The following C13orf46 variants were observed in gnomAD, a reference collection of about 807,000 sequenced individuals.
C13orf46 encodes uncharacterized protein C13orf46.
chr13:113,931,946 C>G, the C13orf46 span, among the ~76,000 whole-genome samples: 3 of 152,152 alleles, frequency 2.0e-5, no homozygotes, highest in Non-Finnish European at 2.9e-5. Flanking sequence ...GGCCCCTGCC[C>G]CGTCCCTCCA....
chr13:113,966,742 T>C (rs2052654308), intron 5 of C13orf46, among the ~76,000 whole-genome samples: 1 of 151,886 alleles, frequency 6.6e-6, no homozygotes, highest in African/African-American at 2.4e-5. Flanking sequence ...GTGATGATGA[T>C]GATGGTTGTG....
At chr13:113,933,943 TG>T in the C13orf46 span, among the ~76,000 whole-genome samples, 1 of 152,178 alleles carries the variant, frequency 6.6e-6, no homozygotes, top group Non-Finnish European at 1.5e-5. Context: ...TGTTTTATTC[TG>T]GGTACGACTC....
chr13:113,943,757 C>T, the C13orf46 span, among the ~76,000 whole-genome samples: 2 of 152,298 alleles, frequency 1.3e-5, no homozygotes, highest in Middle Eastern at 3.4e-3. Flanking sequence ...TGACGAGTGT[C>T]AGGCATGGCC....
At chr13:113,969,535 A>G (rs2052682386) in intron 2 of C13orf46, among the ~76,000 whole-genome samples, 1 of 152,244 alleles carries the variant, frequency 6.6e-6, no homozygotes, top group African/African-American at 2.4e-5. Flanking sequence ...CTTGGTCTCC[A>G]CTCAACGGGA....
At chr13:113,952,502 G>C (rs2052493424), downstream of C13orf46, among the ~76,000 whole-genome samples, 1 of 152,220 alleles carries the variant, frequency 6.6e-6, no homozygotes, top group South Asian at 2.1e-4. Flanking sequence ...CCCAGCCTGG[G>C]AGGGCTCTGA....
chr13:113,952,267 C>T (rs1300049900), downstream of C13orf46, among the ~76,000 whole-genome samples: 3 of 145,908 alleles, frequency 2.1e-5, no homozygotes, highest in East Asian at 5.8e-4. Context: ...GTCTGTGCTG[C>T]TGTGTGGCCG....
intron 6 of C13orf46, among the ~76,000 whole-genome samples, chr13:113,964,368 G>A (rs1334170597): frequency 4.6e-5 from 7 of 151,992 alleles, no homozygotes; most frequent in South Asian, 2.1e-4. Context: ...CTCGGGCCTC[G>A]GGGAGTCTTG....
At chr13:113,952,316 T>TC (rs1451032639), downstream of C13orf46, among the ~76,000 whole-genome samples, 2 of 139,878 alleles carry the variant, frequency 1.4e-5, no homozygotes, top group African/African-American at 2.7e-5. Flanking sequence ...TGGCCACCCC[T>TC]CCGCCTGCCC....
At chr13:113,948,038 A>G in the C13orf46 span, among the ~76,000 whole-genome samples, 3 of 152,228 alleles carry the variant, frequency 2.0e-5, no homozygotes, top group Admixed American at 2.0e-4. Context: ...GACCCATGAA[A>G]AGCCCACGTC....
the C13orf46 span, among the ~76,000 whole-genome samples, chr13:113,946,294 C>G: frequency 6.6e-6 from 1 of 152,156 alleles, no homozygotes; most frequent in Non-Finnish European, 1.5e-5. Flanking sequence ...GCACACGCAC[C>G]CCTCTAACTC....
At chr13:113,930,353 GA>G in the C13orf46 span, among the ~76,000 whole-genome samples, 1 of 85,440 alleles carries the variant, frequency 1.2e-5, no homozygotes, top group South Asian at 2.7e-4. Flanking sequence ...GAGGAGCACC[GA>G]GGTGGGGGCG....
chr13:113,962,973 T>C (rs2052599108), intron 6 of C13orf46, among the ~76,000 whole-genome samples: 1 of 152,210 alleles, frequency 6.6e-6, no homozygotes, highest in South Asian at 2.1e-4. Flanking sequence ...TGGGGCAGAG[T>C]GCAATGTTCT....
downstream of C13orf46, among the ~76,000 whole-genome samples, chr13:113,950,828 C>T (rs888009544): frequency 3.3e-5 from 5 of 152,242 alleles, no homozygotes; most frequent in Non-Finnish European, 7.3e-5. Context: ...CCTGCCGTCT[C>T]TGGTGAACCT....
chr13:113,943,625 C>G, the C13orf46 span, among the ~76,000 whole-genome samples: 2 of 152,192 alleles, frequency 1.3e-5, no homozygotes, highest in Non-Finnish European at 2.9e-5. Context: ...CCCCCGTTCC[C>G]GTCATGGCTG....
the C13orf46 span, among the ~76,000 whole-genome samples, chr13:113,945,669 A>G: frequency 9.9e-3 from 1,310 of 131,878 alleles, 30 homozygotes; most frequent in African/African-American, 0.034. Context: ...AGAAAGAAAG[A>G]AAGGAAAGAA....
In C13orf46 at chr13:113,956,347, T is replaced by TA. The variant is rs1566414930; in HGVS notation, c.*425dup. 8.4e-6 allele frequency: 1 copy of TA among 119,558 alleles called. No homozygotes were observed. Among genetic ancestry groups the TA allele is most frequent in the Non-Finnish European group, 1.6e-5 (1 of 61,812 alleles). 7.4% of individuals were successfully genotyped at this position (119,558 alleles called of 1,614,324 possible). On this transcript the variant is annotated 3_prime_UTR_variant, in exon 7 of 7. Coordinates refer to ENST00000636427, the MANE Select transcript of C13orf46 (RefSeq NM_001365455.2). The stretch of plus-strand genomic sequence containing the variant: ...AGTAGTATCTGGTGGAGAGGAGTAG[T>TA]ATCTGGTGGAGAGGAGGAGCATCTG...
chr13:113,936,466 C>T, the C13orf46 span, among the ~76,000 whole-genome samples: 1 of 152,184 alleles, frequency 6.6e-6, no homozygotes, highest in Admixed American at 6.5e-5. Flanking sequence ...AAGTCCTCCA[C>T]TTTGCTTCCG....
In C13orf46 at chr13:113,954,980, CGAGGAGGAGGATCTGGCAGAGAG is replaced by C. The variant is rs2052510902; in HGVS notation, c.*1770_*1792del. The C allele has an allele frequency of 1.7e-5, 1 of 58,556 alleles. No homozygotes were observed. The highest frequency in any genetic ancestry group is 3.6e-5 in the Non-Finnish European group (1 of 27,482). The allele number at this position is 58,556 out of a possible 1,614,324, so 3.6% of individuals were successfully genotyped here. On this transcript the variant is annotated 3_prime_UTR_variant, in exon 7 of 7. Transcript: ENST00000636427. ...GACGAGGAGGAGGATCTGGCGGAGA[CGAGGAGGAGGATCTGGCAGAGAG>C]GAGGAGTAGGATCTGGCGGAGAGGA...
the C13orf46 span, among the ~76,000 whole-genome samples, chr13:113,940,398 C>G: frequency 6.6e-6 from 1 of 152,248 alleles, no homozygotes; most frequent in African/African-American, 2.4e-5. Flanking sequence ...AGACAGAAGA[C>G]GCAGGTGCTG....
Sources: allele counts gnomAD v4.1 joint callset (sites outside exome capture counted in the v4.1 genomes callset), GRCh38; gene constraint gnomAD v4.1.1; transcripts MANE v1.5; gene names NCBI Gene and HGNC (gene_info 2026-07-23, HGNC 2026-07-21).